The following IGF2BP3 variants were observed in gnomAD, a reference collection of about 807,000 sequenced individuals.
IGF2BP3 encodes the protein insulin-like growth factor 2 mRNA-binding protein 3.
A neutral mutation model predicts 73.8 loss-of-function variants in IGF2BP3; 9 were observed. That is an observed-to-expected ratio of 0.12 (90% CI 0.07 to 0.21). The LOEUF (loss-of-function observed/expected upper bound fraction) is 0.21, where lower values mean the gene tolerates loss of function less well. IGF2BP3 is among the 10% of genes least tolerant of loss of function. The pLI is 1.00. For synonymous variants in IGF2BP3, 258 were observed against 256.7 expected, an observed-to-expected ratio of 1.01 and a Z score of -0.05; for missense variants, 542 against 714.0, an observed-to-expected ratio of 0.76 and a Z score of 2.75.
chr7:23,398,474 T>C (rs1338171491), intron 3 of IGF2BP3, among the ~76,000 whole-genome samples: 2 of 152,226 alleles, frequency 1.3e-5, no homozygotes, highest in African/African-American at 4.8e-5. Flanking sequence ...TCTAGATCCC[T>C]GAGGAATCGC....
chr7:23,457,503 C>G (rs2086571850), intron 2 of IGF2BP3, among the ~76,000 whole-genome samples: 1 of 152,076 alleles, frequency 6.6e-6, no homozygotes, highest in Non-Finnish European at 1.5e-5. Flanking sequence ...AACAAGAAGT[C>G]TGATGGCATA....
Position 23,321,478 on chromosome 7 carries a change from C to T in IGF2BP3, c.1204-2224G>A, listed in dbSNP as rs536293032. Among the ~76,000 whole-genome samples the T allele has an allele frequency of 6.6e-4, 101 of 152,334 alleles. 1 individual carries two copies. Among genetic ancestry groups the T allele is most frequent in the African/African-American group, 2.2e-3 (90 of 41,576 alleles). Reference sequence around the variant, plus strand: ...AGCAGTCTGAGATCAAACTGCAAGGCGGCAGCGAGGCTGGGGGAGGGGTGC... The same window carrying T: ...AGCAGTCTGAGATCAAACTGCAAGGTGGCAGCGAGGCTGGGGGAGGGGTGC... On this transcript the variant is annotated intron_variant, in intron 10 of 14. Coordinates refer to ENST00000258729, the MANE Select transcript of IGF2BP3 (RefSeq NM_006547.3).
chr7:23,327,334 G>A (rs1220052901), intron 10 of IGF2BP3, among the ~76,000 whole-genome samples: 1 of 146,154 alleles, frequency 6.8e-6, no homozygotes, highest in Non-Finnish European at 1.5e-5. Flanking sequence ...AGGCTGGAGT[G>A]CAGTGGCGCA....
At chr7:23,428,176 CAAA>C (rs1327980554) in intron 2 of IGF2BP3, among the ~76,000 whole-genome samples, 1 of 150,992 alleles carries the variant, frequency 6.6e-6, no homozygotes, top group Non-Finnish European at 1.5e-5. Context: ...GACTCCATCT[CAAA>C]AAACAAAAAA....
intron 3 of IGF2BP3, among the ~76,000 whole-genome samples, chr7:23,363,497 T>G (rs1785285165): frequency 6.6e-6 from 1 of 152,176 alleles, no homozygotes; most frequent in Non-Finnish European, 1.5e-5. Context: ...TCATCCCAGC[T>G]GGGCCTCCCC....
At chr7:23,349,488 G>C (rs1220188315) in intron 6 of IGF2BP3, among the ~76,000 whole-genome samples, 1 of 152,114 alleles carries the variant, frequency 6.6e-6, no homozygotes, top group African/African-American at 2.4e-5. Flanking sequence ...TCACTTTCAG[G>C]GATGCCTGTC....
chr7:23,338,767 AT>A (rs750481637), intron 10 of IGF2BP3, among the ~76,000 whole-genome samples: 3 of 152,224 alleles, frequency 2.0e-5, no homozygotes, highest in African/African-American at 7.2e-5. Flanking sequence ...TGGGAAAAAC[AT>A]TTTTTTCCCC....
At chr7:23,365,742 G>A (rs1305805937) in intron 3 of IGF2BP3, 3 of 152,252 alleles carry the variant, frequency 2.0e-5, no homozygotes, top group Non-Finnish European at 4.4e-5. Context: ...ACTGCCCCTG[G>A]GCATTCAAAG....
At chr7:23,431,331 C>G (rs954228680) in intron 2 of IGF2BP3, 2 of 152,216 alleles carry the variant, frequency 1.3e-5, no homozygotes, top group African/African-American at 2.4e-5. Flanking sequence ...ATTCTAGATT[C>G]TAACAGTTCT....
At chr7:23,327,595 A>C (rs1163663755) in intron 10 of IGF2BP3, among the ~76,000 whole-genome samples, 1 of 152,162 alleles carries the variant, frequency 6.6e-6, no homozygotes, top group African/African-American at 2.4e-5. Context: ...ATTCTTAAAA[A>C]GTCTCAAACA....
intron 12 of IGF2BP3, among the ~76,000 whole-genome samples, chr7:23,315,124 T>A (rs1783948700): frequency 1.3e-5 from 2 of 151,342 alleles, no homozygotes; most frequent in South Asian, 2.1e-4. Context: ...TTTTTTTATT[T>A]TTTTATTTTA....
intron 3 of IGF2BP3, among the ~76,000 whole-genome samples, chr7:23,406,470 CTTCAGATG>C (rs1786834785): frequency 6.6e-6 from 1 of 152,070 alleles, no homozygotes; most frequent in Admixed American, 6.6e-5. Context: ...GAGTTTGTTC[CTTCAGATG>C]TTCAGATGTG....
chr7:23,341,696 C>T (rs1784716476), intron 10 of IGF2BP3, among the ~76,000 whole-genome samples: 1 of 151,192 alleles, frequency 6.6e-6, no homozygotes, highest in African/African-American at 2.4e-5. Flanking sequence ...ACCACCATGG[C>T]ACATGTATAC....
At chr7:23,447,119 T>C (rs1025220813) in intron 2 of IGF2BP3, among the ~76,000 whole-genome samples, 3 of 150,678 alleles carry the variant, frequency 2.0e-5, no homozygotes, top group Non-Finnish European at 4.4e-5. Flanking sequence ...GAGAATCACT[T>C]GAACCCGGGA....
intron 10 of IGF2BP3, among the ~76,000 whole-genome samples, chr7:23,326,011 G>C (rs892502185): frequency 2.0e-5 from 3 of 152,086 alleles, no homozygotes; most frequent in African/African-American, 7.2e-5. Context: ...CATGGGCAAG[G>C]ACTTCATGTC....
At chr7:23,398,829 G>A (rs1395615817) in intron 3 of IGF2BP3, among the ~76,000 whole-genome samples, 4 of 152,066 alleles carry the variant, frequency 2.6e-5, no homozygotes, top group Admixed American at 6.6e-5. Flanking sequence ...AGATGAGTAG[G>A]TTGCAAAAAT....
chr7:23,447,270 T>C (rs892592112), intron 2 of IGF2BP3, among the ~76,000 whole-genome samples: 2 of 151,702 alleles, frequency 1.3e-5, no homozygotes, highest in South Asian at 2.1e-4. Context: ...TTGAGGGGCA[T>C]TCCACAAAAT....
intron 2 of IGF2BP3, among the ~76,000 whole-genome samples, chr7:23,466,448 T>A (rs780884844): frequency 3.9e-5 from 6 of 152,246 alleles, no homozygotes; most frequent in Non-Finnish European, 8.8e-5. Flanking sequence ...TCATTTAAAA[T>A]CCTGAGCATT....
chr7:23,331,172 G>T (rs1027515994), intron 10 of IGF2BP3, among the ~76,000 whole-genome samples: 2 of 152,048 alleles, frequency 1.3e-5, no homozygotes, highest in African/African-American at 4.8e-5. Flanking sequence ...TAAATTTATT[G>T]ACCATAAAAT....
Sources: allele counts gnomAD v4.1 joint callset (sites outside exome capture counted in the v4.1 genomes callset), GRCh38; gene constraint gnomAD v4.1.1; transcripts MANE v1.5; gene names NCBI Gene and HGNC (gene_info 2026-07-23, HGNC 2026-07-21).